The following PRIM1 variants were observed in gnomAD, a reference collection of about 807,000 sequenced individuals.
PRIM1 encodes the protein DNA primase small subunit.
Under a neutral mutation model 60.2 loss-of-function variants are expected in PRIM1, and 38 were observed. The observed-to-expected ratio is 0.63, with a 90% confidence interval of 0.49 to 0.83. PRIM1 has a LOEUF of 0.83. Among genes scored for constraint, PRIM1 ranks in the 40% least tolerant of loss-of-function variants. The pLI, the probability that PRIM1 is intolerant of heterozygous loss-of-function variation, is 0.00. For synonymous variants in PRIM1, 158 were observed against 160.2 expected, an observed-to-expected ratio of 0.99 and a Z score of 0.10; for missense variants, 388 against 506.2, an observed-to-expected ratio of 0.77 and a Z score of 2.24.
At position 56,738,453 on chromosome 12, in the gene PRIM1, A is replaced by G. The variant is rs1251325338; in HGVS notation, c.1125T>C (p.Asp375=). Residue 375 remains aspartate (D), a synonymous_variant, in exon 11 of 13, where the codon GAT becomes GAC. Transcript: ENST00000338193. The part of the protein sequence containing the change: ...EEKEENEAES[D]VKHRTRDYKK... Reference sequence around the variant, plus strand: ...CCTTACCTCTGGTTCTATGTTTGACATCAGATTCAGCTTCATTCTCCTCTT... The same window carrying G: ...CCTTACCTCTGGTTCTATGTTTGACGTCAGATTCAGCTTCATTCTCCTCTT... The G allele has an allele frequency of 5.1e-6, 8 of 1,583,600 alleles. No individual in the cohort carries two copies. Among genetic ancestry groups the G allele is most frequent in the South Asian group, 1.1e-5 (1 of 87,050 alleles).
chr12:56,734,377 AATACT>A, intron 11 of PRIM1, 132 bp from the exon 12 acceptor site: 1 of 570,396 alleles, frequency 1.8e-6, no homozygotes, highest in South Asian at 2.4e-5. Context: ...CATACTTTTA[AATACT>A]ATATTAGTCA....
chr12:56,737,007 A>G (rs969291606), intron 11 of PRIM1, among the ~76,000 whole-genome samples: 3 of 151,812 alleles, frequency 2.0e-5, no homozygotes, highest in African/African-American at 7.3e-5. Flanking sequence ...GGTGGTCTCA[A>G]ACTCCTAGGC....
At chr12:56,738,578 A>C (rs925077067) in intron 10 of PRIM1, 53 bp from the exon 11 acceptor site, 21 of 1,528,100 alleles carry the variant, frequency 1.4e-5, no homozygotes, top group Non-Finnish European at 1.9e-5. Context: ...TTTGAGACGG[A>C]GTCTTGCTCT....
intron 7 of PRIM1, among the ~76,000 whole-genome samples, chr12:56,742,433 G>A (rs565859916): frequency 1.3e-5 from 2 of 152,226 alleles, no homozygotes; most frequent in African/African-American, 4.8e-5. Flanking sequence ...GCTGGGCGTG[G>A]TGGCGTGTGC....
At chr12:56,742,399 G>A (rs538444075) in intron 7 of PRIM1, among the ~76,000 whole-genome samples, 7 of 151,284 alleles carry the variant, frequency 4.6e-5, no homozygotes, top group South Asian at 2.1e-4. Context: ...GTGAGACCCC[G>A]TCTCTATAAA....
intron 2 of PRIM1, among the ~76,000 whole-genome samples, chr12:56,748,759 C>G (rs920463307): frequency 6.6e-6 from 1 of 151,948 alleles, no homozygotes; most frequent in Non-Finnish European, 1.5e-5. Context: ...AGTTCGTGAC[C>G]AGCCTGGCCA....
At chr12:56,736,041 T>C (rs1375119241) in intron 11 of PRIM1, among the ~76,000 whole-genome samples, 1 of 151,770 alleles carries the variant, frequency 6.6e-6, no homozygotes, top group Admixed American at 6.6e-5. Context: ...CTCATGCCTA[T>C]AATCCCAGCA....
At chr12:56,737,600 G>C (rs1953842224) in intron 11 of PRIM1, among the ~76,000 whole-genome samples, 2 of 151,446 alleles carry the variant, frequency 1.3e-5, no homozygotes, top group Admixed American at 1.3e-4. Flanking sequence ...CAACCCACCT[G>C]GGCCTCCCAA....
At chr12:56,747,669 C>T (rs1269182426) in intron 2 of PRIM1, among the ~76,000 whole-genome samples, 17 of 152,210 alleles carry the variant, frequency 1.1e-4, no homozygotes, top group Admixed American at 4.6e-4. Flanking sequence ...TCATTGAACC[C>T]GGGAGGTGGA....
Position 56,752,225 on chromosome 12 carries a change from T to C in PRIM1, c.74A>G (p.Gln25Arg). The C allele has an allele frequency of 6.2e-7, 1 of 1,602,932 alleles. No individual in the cohort carries two copies. Among genetic ancestry groups the C allele is most frequent in the East Asian group, 2.3e-5 (1 of 44,440 alleles). Reference sequence around the variant, plus strand: ...ACCGTAGTTGAGCCAGCGATAGTACTGAGAGTAGGGAAAGAGCCTCCGGTA... The same window carrying C: ...ACCGTAGTTGAGCCAGCGATAGTACCGAGAGTAGGGAAAGAGCCTCCGGTA... ...LYYRRLFPYSQYYRWLNYGGV... is the reference protein window; with the variant it reads ...LYYRRLFPYSRYYRWLNYGGV... The change falls in exon 1 of 13, where the codon CAG becomes CGG. Residue 25 changes from glutamine (Q) to arginine (R), a missense_variant. This residue lies in a region of PRIM1 where 156 missense variants were observed against 175.8 expected (regional missense o/e 0.89). Transcript: ENST00000338193.
At chr12:56,747,602 C>T (rs376806378) in intron 2 of PRIM1, among the ~76,000 whole-genome samples, 2 of 152,036 alleles carry the variant, frequency 1.3e-5, no homozygotes, top group East Asian at 3.9e-4. Flanking sequence ...AAAAAATAGC[C>T]GGGTGTGATG....
rs749680661 is a variant in PRIM1, at chr12:56,734,187, A to T, written c.1203T>A (p.Asn401Lys). The change falls in exon 12 of 13, where the codon AAT becomes AAA. Residue 401 changes from asparagine (N) to lysine (K), a missense_variant. Asn to Lys is a moderately conservative substitution (Grantham distance 94). Around this residue, in one of 3 missense-constraint regions of PRIM1, gnomAD observed 211 missense variants for 277.9 expected, o/e 0.76. Transcript: ENST00000338193. ...YVKVFEHFLENLDKSRKGELL... is the reference protein window; with the variant it reads ...YVKVFEHFLEKLDKSRKGELL... ...GTTCTCCTTTTCGGGATTTATCCAG[A>T]TTTTCAAGAAAATGTTCAAAAACTT... 7 of 1,609,288 alleles carry T rather than the reference A, an allele frequency of 4.3e-6. No homozygotes were observed. In the South Asian group the frequency reaches 7.7e-5, roughly 18 times the overall value.
In PRIM1 at chr12:56,738,840, G is replaced by A. The variant is rs1284694851; in HGVS notation, c.1053-315C>T. On this transcript the variant is annotated intron_variant, in intron 10 of 12. Coordinates refer to ENST00000338193, the MANE Select transcript of PRIM1 (RefSeq NM_000946.3). ...GTTGGGATTACAGGCATGAGCCACC[G>A]CGCCTCACCACGAACAAGAGAAGTT... 2.0e-5 allele frequency among the ~76,000 whole-genome samples: 3 copies of A among 152,154 alleles called. No individual in the cohort carries two copies. The East Asian group carries it at 5.8e-4, about 29-fold the overall frequency.
intron 7 of PRIM1, 111 bp downstream of exon 7, chr12:56,742,876 A>G: frequency 2.5e-6 from 2 of 790,832 alleles, no homozygotes; most frequent in Non-Finnish European, 3.8e-6. Context: ...TTTGTGTAAA[A>G]AAGATTAAAC....
At chr12:56,740,126 ACT>A (rs1953860789) in intron 9 of PRIM1, among the ~76,000 whole-genome samples, 1 of 151,764 alleles carries the variant, frequency 6.6e-6, no homozygotes, top group African/African-American at 2.4e-5. Context: ...ACAGAGTGGG[ACT>A]CTGTCTCGAA....
chr12:56,734,723 G>T (rs1407546905), intron 11 of PRIM1, among the ~76,000 whole-genome samples: 1 of 147,556 alleles, frequency 6.8e-6, no homozygotes, highest in Non-Finnish European at 1.5e-5. Context: ...TATTATTTTT[G>T]CATGTAATAA....
At chr12:56,751,296 T>A in intron 1 of PRIM1, 101 bp from the exon 2 acceptor site, 1 of 841,214 alleles carries the variant, frequency 1.2e-6, no homozygotes, top group Non-Finnish European at 1.7e-6. Context: ...GGTGAGGGAA[T>A]CTTGCTTGCT....
chr12:56,739,429 G>T, intron 9 of PRIM1, 66 bp from the exon 10 acceptor site: 1 of 1,075,224 alleles, frequency 9.3e-7, no homozygotes, highest in Admixed American at 2.9e-5. Context: ...ATCTCCTACA[G>T]GTTATTTTTG....
At chr12:56,747,733 A>G (rs1953918395) in intron 2 of PRIM1, among the ~76,000 whole-genome samples, 1 of 152,148 alleles carries the variant, frequency 6.6e-6, no homozygotes, top group Non-Finnish European at 1.5e-5. Flanking sequence ...TGACAGAGCG[A>G]GACTCTGTCT....
Sources: gnomAD v4.1 joint callset for allele counts (sites outside exome capture counted in the v4.1 genomes callset) on GRCh38, gnomAD v4.1.1 for gene constraint, gnomAD v4.1.1 regional missense constraint, MANE v1.5 for transcripts, NCBI Gene and HGNC (gene_info 2026-07-23, HGNC 2026-07-21) for gene names.